The following CLCN6 variants were observed in gnomAD, a reference collection of about 807,000 sequenced individuals.
CLCN6 encodes the protein H(+)/Cl(-) exchange transporter 6.
In CLCN6, 70 loss-of-function variants were observed where a neutral mutation model predicts 109.8. The observed-to-expected ratio is 0.64, with a 90% CI of 0.53 to 0.78. The LOEUF is 0.78. CLCN6 is among the 30% of genes least tolerant of loss of function. The pLI, the probability that CLCN6 is intolerant of heterozygous loss-of-function variation, is 0.00. For missense variants in CLCN6, 984 were observed against 1,142.3 expected (o/e 0.86, Z 2.00); for synonymous variants, 444 against 447.8 (o/e 0.99, Z 0.11).
rs1176454035 is a variant in CLCN6 at position 11,834,599 on chromosome 1, A to G, written c.1793+9A>G. The G allele has an allele frequency of 6.2e-7, 1 of 1,611,486 alleles. No individual in the cohort carries two copies. The highest frequency in any genetic ancestry group is 8.5e-7 in the Non-Finnish European group (1 of 1,177,810). On this transcript the variant is annotated intron_variant, in intron 17 of 22. Coordinates refer to ENST00000346436, the MANE Select transcript of CLCN6 (RefSeq NM_001286.5). The surrounding 1 kb of genome is among the most constrained non-coding windows in gnomAD (Gnocchi z 4.5). The stretch of plus-strand genomic sequence containing the variant: ...GAGGTGGAAATGGACAAGTAAGGCC[A>G]TGATTTTGCTCATGTCCTAGTTTCA...
intron 9 of CLCN6, 78 bp from the exon 10 acceptor site, chr1:11,827,011 C>G (rs1644819573): frequency 7.1e-6 from 11 of 1,548,572 alleles, no homozygotes; most frequent in Non-Finnish European, 9.6e-6. Context: ...AGAAAATGTT[C>G]ATGATAAGGA....
rs777295802 is a variant in CLCN6 at position 11,840,612 on chromosome 1, G to A, written c.*389G>A. ...AGAGAACCCGGCTGTTGCCTTAAAT[G>A]TGTGAGAGGGACTTGGCCAAGGCAA... On this transcript the variant is annotated 3_prime_UTR_variant, in exon 23 of 23. Coordinates refer to ENST00000346436, the MANE Select transcript of CLCN6 (RefSeq NM_001286.5). The A allele has an allele frequency of 3.3e-6, 1 of 303,942 alleles. No homozygotes were observed. The highest frequency in any genetic ancestry group is 6.5e-6 in the Non-Finnish European group (1 of 154,684). The allele number at this position is 303,942 out of a possible 1,614,324, so 18.8% of individuals were successfully genotyped here. A position where few individuals can be genotyped will look rare whatever the true frequency, so the allele number is the denominator to read the frequency against.
At position 11,822,934 on chromosome 1, in the gene CLCN6, G is replaced by T. The variant is rs142368589; in HGVS notation, c.453+133G>T. The stretch of plus-strand genomic sequence containing the variant: ...AGAAAGTGGCCTCTTGTTCACTAAA[G>T]GTAAAGGTTTCACCTCTGGTGAGAT... On this transcript the variant is annotated intron_variant, in intron 6 of 22. Transcript: ENST00000346436. 4.2e-5 allele frequency: 27 copies of T among 642,824 alleles called. No individual in the cohort carries two copies. The Admixed American group carries it at 6.7e-4, about 16-fold the overall frequency. The allele number at this position is 642,824 out of a possible 1,614,324, so 39.8% of individuals were successfully genotyped here. A position where few individuals can be genotyped will look rare whatever the true frequency, so the allele number is the denominator to read the frequency against.
intron 2 of CLCN6, among the ~76,000 whole-genome samples, chr1:11,810,616 A>T (rs1418313299): frequency 6.6e-6 from 1 of 152,160 alleles, no homozygotes; most frequent in African/African-American, 2.4e-5. Flanking sequence ...TTATTTTTTT[A>T]AAAAGTTGTT....
chr1:11,812,660 ATGTT>A (rs1448424986), intron 2 of CLCN6, among the ~76,000 whole-genome samples: 2 of 89,466 alleles, frequency 2.2e-5, no homozygotes, highest in African/African-American at 8.6e-5. Flanking sequence ...AAGACAAAGT[ATGTT>A]TGTGTGTGTG....
At chr1:11,836,790 T>G (rs909016741) in intron 18 of CLCN6, among the ~76,000 whole-genome samples, 1 of 152,120 alleles carries the variant, frequency 6.6e-6, no homozygotes, top group Non-Finnish European at 1.5e-5. Context: ...CTTCCCAGAT[T>G]AAAGGAAACC....
rs1454428529 is a variant in CLCN6 at position 11,830,927 on chromosome 1, A to G, written c.1248+1605A>G. Reference sequence around the variant, plus strand: ...TGGCCCACTGCAACTTCCGCCTCCCAAGTTCAAGTGATTCTCCTGCCTCAG... The same window carrying G: ...TGGCCCACTGCAACTTCCGCCTCCCGAGTTCAAGTGATTCTCCTGCCTCAG... On this transcript the variant is annotated intron_variant, in intron 13 of 22. Transcript: ENST00000346436. Among the ~76,000 whole-genome samples the G allele has an allele frequency of 2.0e-5, 3 of 151,762 alleles. No individual in the cohort carries two copies. The East Asian group carries it at 5.8e-4, about 29-fold the overall frequency.
rs748686568 is a variant in CLCN6 at position 11,819,473 on chromosome 1, T to C, written c.280-15T>C. On this transcript the variant is annotated splice_polypyrimidine_tract_variant and intron_variant, in intron 4 of 22. Coordinates refer to ENST00000346436, the MANE Select transcript of CLCN6 (RefSeq NM_001286.5). ...TGGAAATAAGGCTGTGTGACAGATC[T>C]CTTGCTCTTCACAGGTGGGTCTCTT... is the stretch of plus-strand genomic sequence containing the variant. 1.2e-6 allele frequency: 2 copies of C among 1,613,390 alleles called. No individual in the cohort carries two copies. Among genetic ancestry groups the C allele is most frequent in the South Asian group, 2.2e-5 (2 of 91,076 alleles).
chr1:11,837,614 A>T, intron 20 of CLCN6, 115 bp downstream of exon 20: 1 of 1,053,994 alleles, frequency 9.5e-7, no homozygotes, highest in Admixed American at 2.3e-5. Context: ...CAAGGCGAGA[A>T]GTGCAGAGTG....
chr1:11,829,089 A>G (rs141839982), intron 12 of CLCN6, 107 bp from the exon 13 acceptor site: 15 of 1,309,420 alleles, frequency 1.1e-5, no homozygotes, highest in Non-Finnish European at 1.5e-5. Context: ...GCTGCTGTGA[A>G]TGCTGTTTGG....
intron 8 of CLCN6, among the ~76,000 whole-genome samples, chr1:11,825,845 AC>A (rs1299225606): frequency 6.6e-6 from 1 of 151,930 alleles, no homozygotes; most frequent in Non-Finnish European, 1.5e-5. Context: ...TTGGTCTCCA[AC>A]TCCTGACCTT....
intron 2 of CLCN6, among the ~76,000 whole-genome samples, chr1:11,809,111 G>C (rs780508040): frequency 6.6e-6 from 1 of 151,904 alleles, no homozygotes; most frequent in African/African-American, 2.4e-5. Flanking sequence ...ATACTGCTTC[G>C]GTCTCCCAGA....
At position 11,829,182 on chromosome 1, in the gene CLCN6, G is replaced by A. The variant is rs535869364; in HGVS notation, c.1122-14G>A. On this transcript the variant is annotated splice_polypyrimidine_tract_variant and intron_variant, in intron 12 of 22. Coordinates refer to ENST00000346436, the MANE Select transcript of CLCN6 (RefSeq NM_001286.5). ...CTTTCTGTGGCGTTGTAACAGCTGT[G>A]CTTTGCCTCCTAGAGTCTTAGAGAG... 8.2e-5 allele frequency: 132 copies of A among 1,612,602 alleles called. No individual in the cohort carries two copies. The highest frequency in any genetic ancestry group is 1.5e-4 in the Admixed American group (9 of 59,882).
rs537044523 is a variant in CLCN6, at chr1:11,840,419, C to A, written c.*196C>A. Reference sequence around the variant, plus strand: ...TTGAACCATCAGAGCTTGGACTTTTCTGACTTCCCCAGCAAGGATCTTCCC... The same window carrying A: ...TTGAACCATCAGAGCTTGGACTTTTATGACTTCCCCAGCAAGGATCTTCCC... On this transcript the variant is annotated 3_prime_UTR_variant, in exon 23 of 23. Transcript: ENST00000346436. The A allele has an allele frequency of 4.9e-5, 30 of 613,944 alleles. No individual in the cohort carries two copies. The East Asian group carries it at 8.0e-4, about 16-fold the overall frequency. 38.0% of individuals were successfully genotyped at this position (613,944 alleles called of 1,614,324 possible).
chr1:11,814,316 G>A (rs1300960795), intron 2 of CLCN6, among the ~76,000 whole-genome samples: 2 of 150,050 alleles, frequency 1.3e-5, no homozygotes, highest in Non-Finnish European at 3.0e-5. Flanking sequence ...CATGATCTTG[G>A]CTGGCTCACT....
chr1:11,827,485 G>C (rs1165987297), intron 10 of CLCN6, among the ~76,000 whole-genome samples: 1 of 145,416 alleles, frequency 6.9e-6, no homozygotes, highest in African/African-American at 2.6e-5. Context: ...GCCCAGGCTG[G>C]AGGGCAGTGA....
intron 2 of CLCN6, 101 bp downstream of exon 2, chr1:11,807,291 C>T: frequency 1.9e-6 from 2 of 1,065,672 alleles, no homozygotes; most frequent in South Asian, 1.3e-5. Flanking sequence ...CTTTGACCTT[C>T]TGTCCCAGGG....
chr1:11,834,689 C>T lies in CLCN6; in HGVS notation c.1793+99C>T. On this transcript the variant is annotated intron_variant, in intron 17 of 22. Coordinates refer to ENST00000346436, the MANE Select transcript of CLCN6 (RefSeq NM_001286.5). This position sits in a 1 kb window ranked among gnomAD's most constrained non-coding sequence, Gnocchi z 4.5. ...GGGTAGGAAACAGTAACTCACTTTTCTTGGGCTGAAAGAAGCAACACACCC... is the reference window on the plus strand; with the variant it reads ...GGGTAGGAAACAGTAACTCACTTTTTTTGGGCTGAAAGAAGCAACACACCC... 9.6e-7 allele frequency: 1 copy of T among 1,044,026 alleles called. No homozygotes were observed. Among genetic ancestry groups the T allele is most frequent in the Non-Finnish European group, 1.4e-6 (1 of 691,922 alleles). 64.7% of individuals were successfully genotyped at this position (1,044,026 alleles called of 1,614,324 possible). A position where few individuals can be genotyped will look rare whatever the true frequency, so the allele number is the denominator to read the frequency against.
intron 4 of CLCN6, among the ~76,000 whole-genome samples, chr1:11,818,701 G>A (rs1020113041): frequency 6.6e-6 from 1 of 152,154 alleles, no homozygotes; most frequent in African/African-American, 2.4e-5. Context: ...TCTCCTTTAA[G>A]CCCTGAGCAC....
Sources: gnomAD v4.1 joint callset for allele counts (sites outside exome capture counted in the v4.1 genomes callset) on GRCh38, gnomAD v4.1.1 for gene constraint, Gnocchi (gnomAD v3.1) non-coding constraint, MANE v1.5 for transcripts, NCBI Gene and HGNC (gene_info 2026-07-23, HGNC 2026-07-21) for gene names.